CRB1: variants seen among roughly 807,000 people sequenced by gnomAD.
The protein encoded by CRB1 is crumbs cell polarity complex component 1.
Under a neutral mutation model 120.0 loss-of-function variants are expected in CRB1, and 83 were observed. The ratio of observed to expected loss-of-function variants is 0.69; its 90% CI spans 0.58 to 0.83. The LOEUF (loss-of-function observed/expected upper bound fraction) is 0.83. Among genes scored for constraint, CRB1 ranks in the 40% least tolerant of loss-of-function variants. The pLI, the probability that CRB1 is intolerant of heterozygous loss-of-function variation, is 0.00. For synonymous variants in CRB1, 625 were observed against 612.5 expected, an observed-to-expected ratio of 1.02 and a Z score of -0.30; for missense variants, 1,699 against 1,687.6, an observed-to-expected ratio of 1.01 and a Z score of -0.12.
At chr1:197,450,097 T>C (rs993757554) in intron 11 of CRB1, among the ~76,000 whole-genome samples, 1 of 152,190 alleles carries the variant, frequency 6.6e-6, no homozygotes, top group Non-Finnish European at 1.5e-5. Context: ...CGATGCATAC[T>C]TTTGGTTATT....
intron 1 of CRB1, among the ~76,000 whole-genome samples, chr1:197,295,567 A>G (rs1250523236): frequency 2.0e-5 from 3 of 152,014 alleles, no homozygotes; most frequent in African/African-American, 7.2e-5. Flanking sequence ...GTGTCTCATC[A>G]TGGTATATTT....
chr1:197,293,594 C>T (rs1250178881), intron 1 of CRB1, among the ~76,000 whole-genome samples: 9 of 151,950 alleles, frequency 5.9e-5, no homozygotes, highest in Admixed American at 1.3e-4. Context: ...GAAAAGAGCC[C>T]GCGTCGCCAA....
At chr1:197,462,370 A>C (rs1666569150) in intron 11 of CRB1, among the ~76,000 whole-genome samples, 1 of 152,188 alleles carries the variant, frequency 6.6e-6, no homozygotes, top group Non-Finnish European at 1.5e-5. Flanking sequence ...TTTTTACATT[A>C]ATCTATAAGG....
chr1:197,298,060 C>T (rs1156745340), intron 1 of CRB1, among the ~76,000 whole-genome samples: 1 of 151,972 alleles, frequency 6.6e-6, no homozygotes, highest in Non-Finnish European at 1.5e-5. Flanking sequence ...AAGGCAGATA[C>T]TACAGGAGCC....
chr1:197,347,397 G>C lies in CRB1; in HGVS notation c.906G>C (p.Met302Ile). The C allele has an allele frequency of 6.2e-7, 1 of 1,613,908 alleles. No individual in the cohort carries two copies. Among genetic ancestry groups the C allele is most frequent in the Non-Finnish European group, 8.5e-7 (1 of 1,179,792 alleles). Residue 302 changes from methionine to isoleucine, a missense_variant, in exon 4 of 12, where the codon ATG becomes ATC. Met to Ile is a conservative substitution (Grantham distance 10, BLOSUM62 1). Coordinates refer to ENST00000367400, the MANE Select transcript of CRB1 (RefSeq NM_201253.3). ...GFTGTHCETL[M>I]PLCWSKPCHN... ...CAGGGACACACTGTGAGACCTTGAT[G>C]CCTCTTTGTTGGTCAAAACCTTGTC...
chr1:197,436,461 G>C (rs1018624138), intron 9 of CRB1, among the ~76,000 whole-genome samples: 1 of 151,662 alleles, frequency 6.6e-6, no homozygotes, highest in Non-Finnish European at 1.5e-5. Flanking sequence ...TTGTTCAAGG[G>C]TCAACTGTAA....
At chr1:197,451,521 A>T in intron 11 of CRB1, among the ~76,000 whole-genome samples, 1 of 152,190 alleles carries the variant, frequency 6.6e-6, no homozygotes, top group Non-Finnish European at 1.5e-5. Flanking sequence ...TGATATTTTT[A>T]AATGCATTGA....
chr1:197,219,834 G>A, the CRB1 span, among the ~76,000 whole-genome samples: 1 of 152,108 alleles, frequency 6.6e-6, no homozygotes, highest in African/African-American at 2.4e-5. Flanking sequence ...TGTAAGTCAG[G>A]TTGCTTGTTC....
At chr1:197,328,021 A>G (rs1330045140) in intron 1 of CRB1, among the ~76,000 whole-genome samples, 5 of 152,258 alleles carry the variant, frequency 3.3e-5, no homozygotes, top group Non-Finnish European at 5.9e-5. Context: ...TTTGCAGCCT[A>G]TATAATTTGG....
chr1:197,370,961 G>A (rs1021137339), intron 5 of CRB1, among the ~76,000 whole-genome samples: 3 of 152,018 alleles, frequency 2.0e-5, no homozygotes, highest in Non-Finnish European at 4.4e-5. Flanking sequence ...CACTTCTTTG[G>A]TCATAACTTA....
chr1:197,241,045 T>A, the CRB1 span, among the ~76,000 whole-genome samples: 1 of 152,078 alleles, frequency 6.6e-6, no homozygotes, highest in Non-Finnish European at 1.5e-5. Context: ...TTTGATGGGG[T>A]TGTTTGTTTT....
At chr1:197,344,569 G>A (rs561312844) in intron 3 of CRB1, 93 bp downstream of exon 3, 17 of 1,263,148 alleles carry the variant, frequency 1.3e-5, no homozygotes, top group South Asian at 1.2e-4. Flanking sequence ...TCACGTTCTC[G>A]GCTTAAAATT....
intron 6 of CRB1, among the ~76,000 whole-genome samples, chr1:197,426,236 C>T (rs1279114882): frequency 1.3e-5 from 2 of 152,132 alleles, no homozygotes; most frequent in Admixed American, 6.6e-5. Flanking sequence ...TGACCACTTT[C>T]ACATTACCAC....
chr1:197,437,770 C>T (rs1665232775), intron 9 of CRB1, among the ~76,000 whole-genome samples: 1 of 152,138 alleles, frequency 6.6e-6, no homozygotes, highest in Non-Finnish European at 1.5e-5. Context: ...TCATTTTACA[C>T]TTCCTGAATA....
intron 1 of CRB1, among the ~76,000 whole-genome samples, chr1:197,280,591 A>G (rs1655463347): frequency 6.6e-6 from 1 of 151,886 alleles, no homozygotes; most frequent in South Asian, 2.1e-4. Flanking sequence ...TATCAAGTAC[A>G]TTTCTTTAAG....
intron 5 of CRB1, among the ~76,000 whole-genome samples, chr1:197,359,100 A>G (rs1660640613): frequency 6.6e-6 from 1 of 152,214 alleles, no homozygotes; most frequent in Non-Finnish European, 1.5e-5. Context: ...AGGCCCATGT[A>G]TGCTTTACCT....
the CRB1 span, among the ~76,000 whole-genome samples, chr1:197,218,350 C>T: frequency 4.6e-5 from 7 of 152,164 alleles, no homozygotes; most frequent in East Asian, 1.9e-4. Flanking sequence ...TGAAGGGTAC[C>T]GGGTGATTGC....
At chr1:197,223,107 A>G in the CRB1 span, 4 of 822,522 alleles carry the variant, frequency 4.9e-6, no homozygotes, top group East Asian at 9.7e-5. Flanking sequence ...TATAATTTTG[A>G]ATATTCAGTG....
At chr1:197,409,498 TTTGA>T (rs1663588310) in intron 5 of CRB1, among the ~76,000 whole-genome samples, 1 of 152,188 alleles carries the variant, frequency 6.6e-6, no homozygotes, top group Non-Finnish European at 1.5e-5. Flanking sequence ...CTCTATAGAT[TTTGA>T]TTTTGTTCCT....
Sources: gnomAD v4.1 joint callset for allele counts (sites outside exome capture counted in the v4.1 genomes callset) on GRCh38, gnomAD v4.1.1 for gene constraint, MANE v1.5 for transcripts, NCBI Gene and HGNC (gene_info 2026-07-23, HGNC 2026-07-21) for gene names.